The following NEDD4L variants were observed in gnomAD, a reference collection of about 807,000 sequenced individuals.
The protein encoded by NEDD4L is NEDD4 like E3 ubiquitin protein ligase.
In NEDD4L, 54 loss-of-function variants were observed where a neutral mutation model predicts 148.9. The observed-to-expected ratio is 0.36, with a 90% confidence interval of 0.29 to 0.45. NEDD4L has a LOEUF of 0.45. Ranked by LOEUF, NEDD4L falls within the 20% of genes least tolerant of loss-of-function variation. The probability of loss-of-function intolerance (pLI) is 1.00; values close to 1 mark genes in which losing one functional copy is unlikely to be tolerated. For missense variants in NEDD4L, 856 were observed against 1,233.8 expected (o/e 0.69, Z 4.59); for synonymous variants, 433 against 440.7 (o/e 0.98, Z 0.22).
intron 1 of NEDD4L, among the ~76,000 whole-genome samples, chr18:58,102,887 A>G (rs1290707121): frequency 2.0e-5 from 3 of 152,204 alleles, no homozygotes; most frequent in African/African-American, 7.2e-5. Context: ...AATAAATAAA[A>G]TATGTACTGT....
intron 24 of NEDD4L, among the ~76,000 whole-genome samples, chr18:58,377,466 T>C (rs543105215): frequency 2.0e-5 from 3 of 152,364 alleles, no homozygotes; most frequent in South Asian, 2.1e-4. Context: ...GTAATGAAGC[T>C]GCAGCTGTTG....
At position 58,245,432 on chromosome 18, in the gene NEDD4L, C is replaced by T. The variant is rs1168022706; in HGVS notation, c.128C>T (p.Pro43Leu). 2.0e-6 allele frequency: 3 copies of T among 1,508,620 alleles called. No homozygotes were observed. The highest frequency in any genetic ancestry group is 9.1e-7 in the Non-Finnish European group (1 of 1,096,948). The allele number at this position is 1,508,620 out of a possible 1,614,324, so 93.5% of individuals were successfully genotyped here. A position where few individuals can be genotyped will look rare whatever the true frequency, so the allele number is the denominator to read the frequency against. The change falls in exon 3 of 31, where the codon CCG (proline) becomes CTG (leucine). Residue 43 changes from proline to leucine, a missense_variant. This residue lies in a region of NEDD4L where 193 missense variants were observed against 244.2 expected (regional missense o/e 0.79). Transcript: ENST00000400345. ...TCTAAAATATTTTCTTACAGTGATCCGTATGTGAAACTTTCATTGTACGTA... is the reference window on the plus strand; with the variant it reads ...TCTAAAATATTTTCTTACAGTGATCTGTATGTGAAACTTTCATTGTACGTA... ...AKKDIFGASD[P>L]YVKLSLYVAD...
At chr18:58,375,181 A>C (rs2047404913) in intron 24 of NEDD4L, among the ~76,000 whole-genome samples, 3 of 148,876 alleles carry the variant, frequency 2.0e-5, no homozygotes, top group Admixed American at 6.7e-5. Flanking sequence ...GTGCCCCGTG[A>C]CTCCCCGTCC....
chr18:58,132,272 G>T (rs2032268016), intron 1 of NEDD4L, among the ~76,000 whole-genome samples: 2 of 152,196 alleles, frequency 1.3e-5, no homozygotes, highest in East Asian at 1.9e-4. Flanking sequence ...CCACCCACAG[G>T]AGAGAGGGGA....
At chr18:58,315,389 G>GA (rs1251272811) in intron 5 of NEDD4L, among the ~76,000 whole-genome samples, 1 of 151,996 alleles carries the variant, frequency 6.6e-6, no homozygotes, top group Non-Finnish European at 1.5e-5. Flanking sequence ...TAGATGTGGA[G>GA]AGGGAGAGGC....
At chr18:58,369,472 C>T (rs867835904) in intron 22 of NEDD4L, among the ~76,000 whole-genome samples, 1 of 46,236 alleles carries the variant, frequency 2.2e-5, no homozygotes, top group African/African-American at 1.0e-4. Flanking sequence ...CACATCTGTC[C>T]GATGGGAATG....
At position 58,137,524 on chromosome 18, in the gene NEDD4L, A is replaced by ATAAC. The variant is rs202148027; in HGVS notation, c.49-28263_49-28260dup. On this transcript the variant is annotated intron_variant, in intron 1 of 30. Coordinates refer to ENST00000400345, the MANE Select transcript of NEDD4L (RefSeq NM_001144967.3). ...GGAAGAGAAGCTTGTGTTTGAGAGGATAACAGGGAGGAAAAGTCGCCGAGC... is the reference window on the plus strand; with the variant it reads ...GGAAGAGAAGCTTGTGTTTGAGAGGATAACTAACAGGGAGGAAAAGTCGCCGAGC... Among the ~76,000 whole-genome samples, 253 of 152,226 alleles carry ATAAC rather than the reference A, an allele frequency of 1.7e-3. 3 individuals carry two copies. Among genetic ancestry groups the ATAAC allele is most frequent in the East Asian group, 0.014 (74 of 5,168 alleles).
At chr18:58,168,235 C>T (rs1568319351) in intron 2 of NEDD4L, among the ~76,000 whole-genome samples, 1 of 152,164 alleles carries the variant, frequency 6.6e-6, no homozygotes, top group Non-Finnish European at 1.5e-5. Flanking sequence ...TGCTTTCCTC[C>T]CTCCTCTGAA....
intron 1 of NEDD4L, among the ~76,000 whole-genome samples, chr18:58,141,771 A>G (rs565612340): frequency 6.6e-6 from 1 of 152,332 alleles, no homozygotes; most frequent in East Asian, 1.9e-4. Context: ...TTTGAAAAGT[A>G]TACCTTGCCT....
At chr18:58,315,536 GATGC>G (rs1193629417) in intron 5 of NEDD4L, among the ~76,000 whole-genome samples, 1 of 151,926 alleles carries the variant, frequency 6.6e-6, no homozygotes, top group Non-Finnish European at 1.5e-5. Context: ...CAGTTTGTAA[GATGC>G]ATTGGTAACT....
intron 2 of NEDD4L, among the ~76,000 whole-genome samples, chr18:58,238,746 A>T (rs959058653): frequency 1.1e-4 from 16 of 152,152 alleles, no homozygotes; most frequent in Non-Finnish European, 2.2e-4. Context: ...AAGGGCATCA[A>T]CCCTTTGAAT....
At chr18:58,233,107 A>G (rs780311525) in intron 2 of NEDD4L, among the ~76,000 whole-genome samples, 2 of 152,244 alleles carry the variant, frequency 1.3e-5, no homozygotes, top group Admixed American at 6.5e-5. Context: ...CATCTTGTAT[A>G]ACACTTCATT....
chr18:58,229,174 A>C (rs548976963), intron 2 of NEDD4L, among the ~76,000 whole-genome samples: 1 of 152,342 alleles, frequency 6.6e-6, no homozygotes, highest in East Asian at 1.9e-4. Flanking sequence ...TATGGACTGC[A>C]GAATATATAC....
intron 13 of NEDD4L, 38 bp from the exon 14 acceptor site, chr18:58,341,000 G>A (rs1266472038): frequency 1.3e-6 from 2 of 1,581,586 alleles, no homozygotes; most frequent in Non-Finnish European, 1.7e-6. Context: ...GAAAACAAAT[G>A]CAAGGTATTA....
chr18:58,329,678 T>C (rs998753981), intron 10 of NEDD4L, among the ~76,000 whole-genome samples: 4 of 150,706 alleles, frequency 2.7e-5, no homozygotes, highest in Non-Finnish European at 5.9e-5. Flanking sequence ...TTTTTTTTTT[T>C]CCTAGTAGAG....
At chr18:58,302,448 A>G (rs992011985) in intron 5 of NEDD4L, among the ~76,000 whole-genome samples, 2 of 152,216 alleles carry the variant, frequency 1.3e-5, no homozygotes, top group African/African-American at 2.4e-5. Flanking sequence ...ACAGAATAGA[A>G]CAGGGTTTCT....
At chr18:58,247,634 C>T in intron 3 of NEDD4L, 1 of 152,826 alleles carries the variant, frequency 6.5e-6, no homozygotes, top group Non-Finnish European at 1.5e-5. Flanking sequence ...GGTTCGTATG[C>T]CTCTGCTGCG....
At chr18:58,169,540 CA>C (rs2037306549) in intron 2 of NEDD4L, among the ~76,000 whole-genome samples, 2 of 69,108 alleles carry the variant, frequency 2.9e-5, no homozygotes, top group African/African-American at 1.2e-4. Flanking sequence ...TTTTTTTCCC[CA>C]AAACAGCTTA....
At position 58,058,443 on chromosome 18, in the gene NEDD4L, C is replaced by T. The variant is rs2082184603; in HGVS notation, c.48+13735C>T. On this transcript the variant is annotated intron_variant, in intron 1 of 30. Coordinates refer to ENST00000400345, the MANE Select transcript of NEDD4L (RefSeq NM_001144967.3). ...CATGGAACTCTTTCATCTTGCAAAA[C>T]TGGAAATGCCTTACTCGTGAACCAG... Among the ~76,000 whole-genome samples the T allele has an allele frequency of 2.0e-5, 3 of 152,230 alleles. No individual in the cohort carries two copies. In the South Asian group the frequency reaches 6.2e-4, roughly 32 times the overall value.
Sources: allele counts gnomAD v4.1 joint callset (sites outside exome capture counted in the v4.1 genomes callset), GRCh38; gene constraint gnomAD v4.1.1; regional missense constraint gnomAD v4.1.1; transcripts MANE v1.5; gene names NCBI Gene and HGNC (gene_info 2026-07-23, HGNC 2026-07-21).